Variants in SUCNR1 observed in about 807,000 individuals in gnomAD.
SUCNR1 encodes the protein G-protein coupled receptor 91.
In SUCNR1, 5 loss-of-function variants were observed where a neutral mutation model predicts 2.4. That is an observed-to-expected ratio of 2.07 (90% CI 1.08 to 4.36). The LOEUF (loss-of-function observed/expected upper bound fraction) is 4.36, where lower values mean the gene tolerates loss of function less well. SUCNR1 is among the 30% of genes most tolerant of loss of function. The pLI, the probability that SUCNR1 is intolerant of heterozygous loss-of-function variation, is 0.00. For missense variants in SUCNR1, 373 were observed against 399.2 expected (o/e 0.93, Z 0.56); for synonymous variants, 162 against 143.9 (o/e 1.13, Z -0.90).
At position 151,882,642 on chromosome 3, in the gene SUCNR1, G is replaced by T. The variant is rs1718136325; in HGVS notation, c.*1094G>T. ...GCAAATCACATCTGGAGTGAGCCTTGTTTTCATGCAACATTACCATAAGAC... is the reference window on the plus strand; with the variant it reads ...GCAAATCACATCTGGAGTGAGCCTTTTTTTCATGCAACATTACCATAAGAC... On this transcript the variant is annotated 3_prime_UTR_variant, in exon 3 of 3. Coordinates refer to ENST00000362032, the MANE Select transcript of SUCNR1 (RefSeq NM_033050.6). 6.6e-6 allele frequency: 1 copy of T among 152,074 alleles called. No homozygotes were observed. Among genetic ancestry groups the T allele is most frequent in the African/African-American group, 2.4e-5 (1 of 41,418 alleles). 9.4% of individuals were successfully genotyped at this position (152,074 alleles called of 1,614,324 possible). A position where few individuals can be genotyped will look rare whatever the true frequency, so the allele number is the denominator to read the frequency against.
intron 1 of SUCNR1, among the ~76,000 whole-genome samples, chr3:151,874,830 A>T (rs1460096208): frequency 6.6e-6 from 1 of 152,060 alleles, no homozygotes; most frequent in African/African-American, 2.4e-5. Flanking sequence ...CAAAAAAGTA[A>T]TTTGTTAAAA....
chr3:151,876,670 A>G (rs1717932791), intron 1 of SUCNR1, among the ~76,000 whole-genome samples: 1 of 152,104 alleles, frequency 6.6e-6, no homozygotes, highest in Non-Finnish European at 1.5e-5. Context: ...TTTGCCTTAT[A>G]CAAATGTGTT....
chr3:151,880,071 GAT>G (rs1718042052), intron 2 of SUCNR1, among the ~76,000 whole-genome samples, 164 bp downstream of exon 2: 1 of 151,958 alleles, frequency 6.6e-6, no homozygotes, highest in African/African-American at 2.4e-5. Flanking sequence ...TGCAAATATA[GAT>G]ATGTCTCTTT....
rs56678758 is a variant in SUCNR1 at position 151,874,146 on chromosome 3, A to ATTTTTTT, written c.-42+458_-42+464dup. ...CATACATATATATATATATATATAT[A>ATTTTTTT]TTTTTTTTTTTTTTTTTTTTTTTTA... is the stretch of plus-strand genomic sequence containing the variant. On this transcript the variant is annotated intron_variant, in intron 1 of 2. Transcript: ENST00000362032. 1.7e-3 allele frequency among the ~76,000 whole-genome samples: 102 copies of ATTTTTTT among 60,204 alleles called. 3 individuals carry two copies. The highest frequency in any genetic ancestry group is 2.8e-3 in the Non-Finnish European group (94 of 33,844). 39.5% of individuals were successfully genotyped at this position (60,204 alleles called of 152,430 possible).
At position 151,880,541 on chromosome 3, in the gene SUCNR1, T is replaced by C; in HGVS notation, c.16-18T>C. ...ACAGTCTAGTGTTTAATCCTTATAT[T>C]TTCTCTCTCTTCTTTAGGCATGGAA... On this transcript the variant is annotated intron_variant, in intron 2 of 2. Transcript: ENST00000362032. 6.4e-7 allele frequency: 1 copy of C among 1,567,144 alleles called. No homozygotes were observed. Among genetic ancestry groups the C allele is most frequent in the Non-Finnish European group, 8.6e-7 (1 of 1,157,784 alleles).
intron 1 of SUCNR1, among the ~76,000 whole-genome samples, chr3:151,875,090 C>T (rs960216746): frequency 2.0e-5 from 3 of 152,082 alleles, no homozygotes; most frequent in African/African-American, 7.2e-5. Flanking sequence ...GATATTGCTT[C>T]TAGTTCAATA....
chr3:151,874,478 A>G (rs1243979674), intron 1 of SUCNR1, among the ~76,000 whole-genome samples: 1 of 152,056 alleles, frequency 6.6e-6, no homozygotes, highest in African/African-American at 2.4e-5. Flanking sequence ...GTGCTGGGGC[A>G]TAATATTTTT....
chr3:151,880,518 A>G, intron 2 of SUCNR1, 41 bp from the exon 3 acceptor site: 1 of 1,442,738 alleles, frequency 6.9e-7, no homozygotes, highest in Non-Finnish European at 9.4e-7. Context: ...CATTAGTCAC[A>G]GTCTAGTGTT....
At chr3:151,879,741 T>G in intron 1 of SUCNR1, 111 bp from the exon 2 acceptor site, 1 of 483,362 alleles carries the variant, frequency 2.1e-6, no homozygotes, top group Non-Finnish European at 3.7e-6. Context: ...TGAAGTTGTA[T>G]CATAGTTTAT....
At chr3:151,875,350 A>C (rs1021210929) in intron 1 of SUCNR1, among the ~76,000 whole-genome samples, 29 of 152,276 alleles carry the variant, frequency 1.9e-4, no homozygotes, top group African/African-American at 7.0e-4. Flanking sequence ...ATATGTTTAT[A>C]GAATTGCGAT....
At chr3:151,880,365 T>C (rs1436435114) in intron 2 of SUCNR1, among the ~76,000 whole-genome samples, 194 bp from the exon 3 acceptor site, 1 of 152,180 alleles carries the variant, frequency 6.6e-6, no homozygotes, top group African/African-American at 2.4e-5. Context: ...AGCACATAGT[T>C]GAAAGGTATT....
At chr3:151,878,205 T>C (rs78717519) in intron 1 of SUCNR1, among the ~76,000 whole-genome samples, 2,639 of 152,260 alleles carry the variant, frequency 0.017, 36 homozygotes, top group Non-Finnish European at 0.026. Context: ...GAGATGGCTC[T>C]TTCCAGAAAT....
At position 151,883,463 on chromosome 3, in the gene SUCNR1, C is replaced by CACAT. The variant is rs1333724558; in HGVS notation, c.*1917_*1920dup. On this transcript the variant is annotated 3_prime_UTR_variant, in exon 3 of 3. Transcript: ENST00000362032. ...GAAATATTTTTTCAAACCATAAACTCACATATATATATATATATATATATA... is the reference window on the plus strand; with the variant it reads ...GAAATATTTTTTCAAACCATAAACTCACATACATATATATATATATATATATATA... 2 of 70,116 alleles carry CACAT rather than the reference C, an allele frequency of 2.9e-5. No homozygotes were observed. The highest frequency in any genetic ancestry group is 5.8e-5 in the Non-Finnish European group (2 of 34,612). 4.3% of individuals were successfully genotyped at this position (70,116 alleles called of 1,614,324 possible). A position where few individuals can be genotyped will look rare whatever the true frequency, so the allele number is the denominator to read the frequency against.
rs1230175631 is a variant in SUCNR1, at chr3:151,880,588, G to A, written c.45G>A (p.Leu15=). The A allele has an allele frequency of 6.2e-7, 1 of 1,608,642 alleles. No individual in the cohort carries two copies. The change falls in exon 3 of 3, where the codon CTG becomes CTA. Residue 15 remains leucine, a synonymous_variant. Coordinates refer to ENST00000362032, the MANE Select transcript of SUCNR1 (RefSeq NM_033050.6). ...GGAATGCAACTTGCAAAAACTGGCT[G>A]GCAGCAGAGGCTGCCCTGGAAAAGT... ...MAWNATCKNW[L]AAEAALEKYY...
Position 151,884,528 on chromosome 3 carries a change from T to C in SUCNR1, c.*2980T>C, listed in dbSNP as rs1225633866. The C allele has an allele frequency of 6.6e-6, 1 of 152,232 alleles. No homozygotes were observed. The highest frequency in any genetic ancestry group is 1.5e-5 in the Non-Finnish European group (1 of 68,040). The allele number at this position is 152,232 out of a possible 1,614,324, so 9.4% of individuals were successfully genotyped here. A position where few individuals can be genotyped will look rare whatever the true frequency, so the allele number is the denominator to read the frequency against. On this transcript the variant is annotated 3_prime_UTR_variant, in exon 3 of 3. Transcript: ENST00000362032. Reference sequence around the variant, plus strand: ...AATAATGTGTGGCAGAGATTCTGGATTCTGTTACATTCCATCAAAGAGTAT... The same window carrying C: ...AATAATGTGTGGCAGAGATTCTGGACTCTGTTACATTCCATCAAAGAGTAT...
At chr3:151,874,146 ATTTTTTTTTT>A (rs56678758) in intron 1 of SUCNR1, among the ~76,000 whole-genome samples, 11,541 of 60,230 alleles carry the variant, frequency 0.19, 766 homozygotes, top group East Asian at 0.34. Flanking sequence ...ATATATATAT[ATTTTTTTTTT>A]TTTTTTTTTT....
At chr3:151,875,191 A>G (rs1717887235) in intron 1 of SUCNR1, among the ~76,000 whole-genome samples, 1 of 152,102 alleles carries the variant, frequency 6.6e-6, no homozygotes, top group Non-Finnish European at 1.5e-5. Flanking sequence ...AAAATAATTC[A>G]TCCAAATCAG....
In SUCNR1 at chr3:151,874,144, ATATTTTT is replaced by A. The variant is rs1470713377; in HGVS notation, c.-42+440_-42+446del. Reference sequence around the variant, plus strand: ...TACATACATATATATATATATATATATATTTTTTTTTTTTTTTTTTTTTTTTAAGACA... The same window carrying A: ...TACATACATATATATATATATATATATTTTTTTTTTTTTTTTTTTAAGACA... On this transcript the variant is annotated intron_variant, in intron 1 of 2. Transcript: ENST00000362032. 4.6e-3 allele frequency among the ~76,000 whole-genome samples: 287 copies of A among 62,824 alleles called. 2 individuals carry two copies. The highest frequency in any genetic ancestry group is 0.016 in the African/African-American group (271 of 16,652). 41.2% of individuals were successfully genotyped at this position (62,824 alleles called of 152,430 possible). A position where few individuals can be genotyped will look rare whatever the true frequency, so the allele number is the denominator to read the frequency against.
chr3:151,881,404 C>T lies in SUCNR1; in HGVS notation c.861C>T (p.Asn287=). 1 of 1,614,226 alleles carries T rather than the reference C, an allele frequency of 6.2e-7. No individual in the cohort carries two copies. Among genetic ancestry groups the T allele is most frequent in the Non-Finnish European group, 8.5e-7 (1 of 1,180,026 alleles). The change falls in exon 3 of 3, where the codon AAC becomes AAT. Residue 287 remains asparagine (N), a synonymous_variant. Coordinates refer to ENST00000362032, the MANE Select transcript of SUCNR1 (RefSeq NM_033050.6). The part of the protein sequence containing the change: ...YIVTRPLAFL[N]SVINPVFYFL... Reference sequence around the variant, plus strand: ...TGACACGGCCTTTGGCCTTTCTGAACAGTGTCATCAACCCTGTCTTCTATT... The same window carrying T: ...TGACACGGCCTTTGGCCTTTCTGAATAGTGTCATCAACCCTGTCTTCTATT...
Sources: gnomAD v4.1 joint callset for allele counts (sites outside exome capture counted in the v4.1 genomes callset) on GRCh38, gnomAD v4.1.1 for gene constraint, MANE v1.5 for transcripts, NCBI Gene and HGNC (gene_info 2026-07-23, HGNC 2026-07-21) for gene names.